Variants in SDK1 observed in about 807,000 individuals in gnomAD.
SDK1 encodes the protein protein sidekick-1.
Under a neutral mutation model 245.5 loss-of-function variants are expected in SDK1, and 157 were observed. The observed-to-expected ratio is 0.64, with a 90% CI of 0.56 to 0.73. SDK1 has a LOEUF of 0.73. Among genes scored for constraint, SDK1 ranks in the 30% least tolerant of loss-of-function variants. SDK1 has a pLI of 0.00. For missense variants in SDK1, 3,583 were observed against 3,002.3 expected (o/e 1.19, Z -4.52); for synonymous variants, 1,647 against 1,278.5 (o/e 1.29, Z -6.15).
At chr7:3,719,870 A>G (rs1169879277) in intron 4 of SDK1, among the ~76,000 whole-genome samples, 2 of 151,906 alleles carry the variant, frequency 1.3e-5, no homozygotes, top group South Asian at 4.1e-4. Flanking sequence ...CAAGCTACTC[A>G]GGAGACTGAG....
Position 3,747,513 on chromosome 7 carries a change from A to T in SDK1, c.714-73937A>T, listed in dbSNP as rs1447604249. Among the ~76,000 whole-genome samples the T allele has an allele frequency of 2.6e-5, 4 of 152,244 alleles. No homozygotes were observed. The East Asian group carries it at 7.7e-4, about 29-fold the overall frequency. ...TTATAGTCATTCTTTTATTTAGCAAATGCTGTCGTGGGCCTTGTCTATGCA... is the reference window on the plus strand; with the variant it reads ...TTATAGTCATTCTTTTATTTAGCAATTGCTGTCGTGGGCCTTGTCTATGCA... On this transcript the variant is annotated intron_variant, in intron 4 of 44. Transcript: ENST00000404826.
At chr7:3,986,955 A>G (rs1000294453) in intron 13 of SDK1, among the ~76,000 whole-genome samples, 1 of 152,228 alleles carries the variant, frequency 6.6e-6, no homozygotes, top group Non-Finnish European at 1.5e-5. Flanking sequence ...AGCTAGCATA[A>G]GGGTTCCATG....
At chr7:4,213,873 C>T (rs1035882381) in intron 38 of SDK1, among the ~76,000 whole-genome samples, 1 of 152,156 alleles carries the variant, frequency 6.6e-6, no homozygotes, top group African/African-American at 2.4e-5. Flanking sequence ...GATTTTTAGA[C>T]AATCCTTTCA....
At chr7:3,370,768 T>C (rs1225295863) in intron 1 of SDK1, among the ~76,000 whole-genome samples, 1 of 152,192 alleles carries the variant, frequency 6.6e-6, no homozygotes, top group African/African-American at 2.4e-5. Flanking sequence ...GGGTAGGACA[T>C]GTTTTAAAAT....
intron 1 of SDK1, among the ~76,000 whole-genome samples, chr7:3,318,026 C>G (rs1361022835): frequency 6.6e-6 from 1 of 152,118 alleles, no homozygotes; most frequent in Non-Finnish European, 1.5e-5. Flanking sequence ...ATCACTGTTT[C>G]CAGTTTCATG....
chr7:3,474,931 AG>A (rs1781306840), intron 1 of SDK1, among the ~76,000 whole-genome samples: 2 of 152,060 alleles, frequency 1.3e-5, no homozygotes, highest in Non-Finnish European at 2.9e-5. Flanking sequence ...GGCTCAAGTG[AG>A]CCTCCTTCCT....
chr7:3,535,545 C>G (rs1778858599), intron 1 of SDK1, among the ~76,000 whole-genome samples: 1 of 152,098 alleles, frequency 6.6e-6, no homozygotes, highest in South Asian at 2.1e-4. Context: ...ATGCAGGCTT[C>G]TTAACTTCTT....
At chr7:3,530,886 A>T (rs1427940945) in intron 1 of SDK1, among the ~76,000 whole-genome samples, 2 of 152,230 alleles carry the variant, frequency 1.3e-5, no homozygotes, top group Non-Finnish European at 2.9e-5. Flanking sequence ...CATTGTCCAC[A>T]AGTATCCATA....
At chr7:4,228,035 A>G (rs143019999) in intron 40 of SDK1, among the ~76,000 whole-genome samples, 1,601 of 152,344 alleles carry the variant, frequency 0.011, 19 homozygotes, top group Middle Eastern at 0.017. Context: ...GTTTAAGTGG[A>G]CAAATCACGC....
chr7:3,444,330 A>G (rs1780283259), intron 1 of SDK1, among the ~76,000 whole-genome samples: 1 of 151,956 alleles, frequency 6.6e-6, no homozygotes, highest in African/African-American at 2.4e-5. Context: ...CCCAACTTCC[A>G]TGTTCTTAGT....
intron 14 of SDK1, among the ~76,000 whole-genome samples, chr7:3,996,615 G>A (rs893712593): frequency 1.3e-5 from 2 of 152,114 alleles, no homozygotes; most frequent in Non-Finnish European, 2.9e-5. Context: ...ACTGTAAATA[G>A]CAATTTTTCC....
chr7:3,314,334 C>A (rs1231737484), intron 1 of SDK1, among the ~76,000 whole-genome samples: 1 of 152,178 alleles, frequency 6.6e-6, no homozygotes, highest in Non-Finnish European at 1.5e-5. Context: ...TCATATTTAG[C>A]CAGTACATTC....
At position 3,969,270 on chromosome 7, in the gene SDK1, G is replaced by A; in HGVS notation, c.1560G>A (p.Leu520=). Residue 520 remains leucine, a synonymous_variant, in exon 11 of 45, where the codon CTG becomes CTA. Transcript: ENST00000404826. ...AITWKRENHI[L]ASGSVRIPRF... ...ACTGTTCTTTAGAAAACCACATTCTGGCCAGTGGCTCTGTCCGGATTCCTA... is the reference window on the plus strand; with the variant it reads ...ACTGTTCTTTAGAAAACCACATTCTAGCCAGTGGCTCTGTCCGGATTCCTA... 1 of 1,600,100 alleles carries A rather than the reference G, an allele frequency of 6.2e-7. No individual in the cohort carries two copies. Among genetic ancestry groups the A allele is most frequent in the African/African-American group, 1.3e-5 (1 of 74,578 alleles).
intron 1 of SDK1, among the ~76,000 whole-genome samples, chr7:3,475,718 C>A (rs1781330121): frequency 6.6e-6 from 1 of 152,084 alleles, no homozygotes; most frequent in Admixed American, 6.5e-5. Flanking sequence ...ACTCTCAAGT[C>A]AAGATTTATG....
intron 4 of SDK1, among the ~76,000 whole-genome samples, chr7:3,784,285 A>G (rs533034510): frequency 4.6e-5 from 7 of 152,208 alleles, no homozygotes; most frequent in Admixed American, 1.3e-4. Context: ...ATCCCCTTCA[A>G]TAAATGACTT....
At chr7:4,174,676 C>T (rs1782073689) in intron 33 of SDK1, among the ~76,000 whole-genome samples, 3 of 152,112 alleles carry the variant, frequency 2.0e-5, no homozygotes, top group Non-Finnish European at 1.5e-5. Flanking sequence ...GAGATGGAGG[C>T]AGGGGGCCAG....
intron 1 of SDK1, among the ~76,000 whole-genome samples, chr7:3,417,776 A>G (rs1779415022): frequency 6.6e-6 from 1 of 152,200 alleles, no homozygotes; most frequent in African/African-American, 2.4e-5. Context: ...AGTGAATAAA[A>G]TAGCAGTGTC....
intron 1 of SDK1, among the ~76,000 whole-genome samples, chr7:3,303,315 ATG>A (rs1779331221): frequency 1.3e-5 from 2 of 152,068 alleles, no homozygotes; most frequent in African/African-American, 4.8e-5. Flanking sequence ...CTTTAAAATA[ATG>A]TGTTTATTAA....
intron 1 of SDK1, among the ~76,000 whole-genome samples, chr7:3,440,954 GAAATGAGTTACA>G (rs1389607289): frequency 1.3e-5 from 2 of 152,186 alleles, no homozygotes; most frequent in Admixed American, 6.5e-5. Flanking sequence ...GGGATCCCTT[GAAATGAGTTACA>G]CCAAGTGAGG....
Sources: allele counts gnomAD v4.1 joint callset (sites outside exome capture counted in the v4.1 genomes callset), GRCh38; gene constraint gnomAD v4.1.1; transcripts MANE v1.5; gene names NCBI Gene and HGNC (gene_info 2026-07-23, HGNC 2026-07-21).